Variants in CACNA1E observed in about 807,000 individuals in gnomAD.
CACNA1E encodes the protein calcium voltage-gated channel subunit alpha1 E.
In CACNA1E, 40 loss-of-function variants were observed where a neutral mutation model predicts 259.2. The observed-to-expected ratio is 0.15, with a 90% CI of 0.12 to 0.20. The LOEUF (loss-of-function observed/expected upper bound fraction) is 0.20, where lower values mean the gene tolerates loss of function less well. Ranked by LOEUF, CACNA1E falls within the 10% of genes least tolerant of loss-of-function variation. The probability of loss-of-function intolerance (pLI) is 1.00; values close to 1 mark genes in which losing one functional copy is unlikely to be tolerated. For missense variants in CACNA1E, 1,874 were observed against 3,040.1 expected (o/e 0.62, Z 9.02); for synonymous variants, 1,104 against 1,138.5 (o/e 0.97, Z 0.61).
intron 18 of CACNA1E, among the ~76,000 whole-genome samples, chr1:181,730,101 C>T (rs536596996): frequency 1.3e-5 from 2 of 152,372 alleles, no homozygotes; most frequent in South Asian, 4.1e-4. Flanking sequence ...CAGAGTGGGC[C>T]TCAGACCAAC....
At chr1:181,503,456 A>G (rs1265230814) in intron 1 of CACNA1E, among the ~76,000 whole-genome samples, 8 of 152,160 alleles carry the variant, frequency 5.3e-5, no homozygotes, top group Admixed American at 5.2e-4. Flanking sequence ...CGCTTTCCAT[A>G]TTCTCAGGAG....
intron 1 of CACNA1E, among the ~76,000 whole-genome samples, chr1:181,376,341 C>A (rs1014200315): frequency 1.3e-5 from 2 of 152,182 alleles, no homozygotes; most frequent in Non-Finnish European, 2.9e-5. Context: ...GCCTTTCTGG[C>A]GCAGAGGCAA....
intron 40 of CACNA1E, 51 bp downstream of exon 40, chr1:181,783,835 C>A: frequency 8.7e-7 from 1 of 1,148,270 alleles, no homozygotes; most frequent in Non-Finnish European, 1.3e-6. Context: ...TGGAACAACT[C>A]ATGCAGGTGG....
At chr1:181,494,995 C>T (rs550328488) in intron 1 of CACNA1E, among the ~76,000 whole-genome samples, 3 of 152,304 alleles carry the variant, frequency 2.0e-5, no homozygotes, top group Non-Finnish European at 2.9e-5. Flanking sequence ...ACGCGATATT[C>T]TTGTCACATG....
rs1326141331 is a variant in CACNA1E, at chr1:181,776,511, A to G, written c.5267+283A>G. ...CAGATTATTTGGGCTCAGTCCCAAG[A>G]GAACTTTCCAATAATCTTTTTCTGC... On this transcript the variant is annotated intron_variant, in intron 38 of 47. Coordinates refer to ENST00000367573, the MANE Select transcript of CACNA1E (RefSeq NM_001205293.3). The surrounding 1 kb of genome is among the most constrained non-coding windows in gnomAD (Gnocchi z 4.4). 2.6e-5 allele frequency among the ~76,000 whole-genome samples: 4 copies of G among 152,234 alleles called. No homozygotes were observed. The highest frequency in any genetic ancestry group is 5.9e-5 in the Non-Finnish European group (4 of 68,032).
At chr1:181,618,628 C>T (rs2103150931) in intron 6 of CACNA1E, among the ~76,000 whole-genome samples, 1 of 152,238 alleles carries the variant, frequency 6.6e-6, no homozygotes, top group Non-Finnish European at 1.5e-5. Context: ...GAAGTGTCCT[C>T]ATCCATATTT....
Position 181,757,964 on chromosome 1 carries a change from C to T in CACNA1E, c.4347C>T (p.Phe1449=), listed in dbSNP as rs368943151. The change falls in exon 31 of 48, where the codon TTC becomes TTT. Residue 1449 remains phenylalanine (F), a synonymous_variant. Coordinates refer to ENST00000367573, the MANE Select transcript of CACNA1E (RefSeq NM_001205293.3). ...TCTTGCAGAGGGCGTGCATCGACTT[C>T]GCCATCAGCGCCAAACCTCTCACCC... ...LEKNERACID[F]AISAKPLTRY... is the part of the protein sequence containing the mutation. 4.5e-5 allele frequency: 72 copies of T among 1,613,844 alleles called. No homozygotes were observed. Among genetic ancestry groups the T allele is most frequent in the African/African-American group, 2.3e-4 (17 of 74,950 alleles).
rs141741548 is a variant in CACNA1E at position 181,546,958 on chromosome 1, G to T, written c.513-30808G>T. Among the ~76,000 whole-genome samples the T allele has an allele frequency of 4.6e-5, 7 of 152,086 alleles. No homozygotes were observed. In the East Asian group the frequency reaches 1.2e-3, roughly 25 times the overall value. On this transcript the variant is annotated intron_variant, in intron 3 of 47. Transcript: ENST00000367573. ...GCGATCTGTTCTTCCCTTTGATGTCGTCCTCCTGGCCACCAGCCTACATCC... is the reference window on the plus strand; with the variant it reads ...GCGATCTGTTCTTCCCTTTGATGTCTTCCTCCTGGCCACCAGCCTACATCC...
Position 181,744,521 on chromosome 1 carries a change from G to A in CACNA1E, c.3719+5268G>A, listed in dbSNP as rs192668773. ...GTGGCTATTCAGCACCAAAATGCTC[G>A]TACACACTCACGCTCAGCACAGCAT... On this transcript the variant is annotated intron_variant, in intron 25 of 47. Coordinates refer to ENST00000367573, the MANE Select transcript of CACNA1E (RefSeq NM_001205293.3). 7.9e-5 allele frequency among the ~76,000 whole-genome samples: 12 copies of A among 152,272 alleles called. No homozygotes were observed. The East Asian group carries it at 9.7e-4, about 12-fold the overall frequency.
rs116483959 is a variant in CACNA1E, at chr1:181,601,849, A to G, written c.951+21073A>G. On this transcript the variant is annotated intron_variant, in intron 6 of 47. Coordinates refer to ENST00000367573, the MANE Select transcript of CACNA1E (RefSeq NM_001205293.3). ...AAAGCCAGAGCCCTTGCAAGGGTCTACAGGGCCCTCCATGATCTGCTCTTC... is the reference window on the plus strand; with the variant it reads ...AAAGCCAGAGCCCTTGCAAGGGTCTGCAGGGCCCTCCATGATCTGCTCTTC... Among the ~76,000 whole-genome samples the G allele has an allele frequency of 8.2e-3, 1,252 of 152,298 alleles. 21 individuals are homozygous for G. The highest frequency in any genetic ancestry group is 0.028 in the African/African-American group (1,169 of 41,566).
chr1:181,492,221 A>C (rs1051597492), intron 1 of CACNA1E, among the ~76,000 whole-genome samples: 2 of 152,240 alleles, frequency 1.3e-5, no homozygotes, highest in African/African-American at 2.4e-5. Flanking sequence ...GTATAATGAC[A>C]ATTGAGATTT....
intron 45 of CACNA1E, among the ~76,000 whole-genome samples, 179 bp downstream of exon 45, chr1:181,793,972 C>T (rs186636549): frequency 6.6e-6 from 1 of 152,300 alleles, no homozygotes; most frequent in African/African-American, 2.4e-5. Flanking sequence ...TTCAATGACC[C>T]CCCCTAACCA....
intron 44 of CACNA1E, 113 bp downstream of exon 44, chr1:181,790,669 C>A: frequency 1.4e-6 from 1 of 734,722 alleles, no homozygotes; most frequent in South Asian, 1.7e-5. Flanking sequence ...AGTAGTTTAG[C>A]CAGTTGCCCT....
intron 1 of CACNA1E, among the ~76,000 whole-genome samples, chr1:181,321,447 A>T (rs1650335361): frequency 6.6e-6 from 1 of 152,170 alleles, no homozygotes; most frequent in Non-Finnish European, 1.5e-5. Flanking sequence ...TTAGTTATTG[A>T]TGCCTGCTTC....
At chr1:181,725,291 C>G (rs1654796882) in intron 17 of CACNA1E, among the ~76,000 whole-genome samples, 1 of 152,170 alleles carries the variant, frequency 6.6e-6, no homozygotes, top group Admixed American at 6.5e-5. Context: ...GCTTTAGTAG[C>G]TGAGAAACTG....
In CACNA1E at chr1:181,699,301, C is replaced by G. The variant is rs562183254; in HGVS notation, c.1056-11653C>G. ...TTATTGTGTAGCTTATATTCTTGAGCAAAGACAAAAAACCAAATAGCTGAA... is the reference window on the plus strand; with the variant it reads ...TTATTGTGTAGCTTATATTCTTGAGGAAAGACAAAAAACCAAATAGCTGAA... On this transcript the variant is annotated intron_variant, in intron 7 of 47. Coordinates refer to ENST00000367573, the MANE Select transcript of CACNA1E (RefSeq NM_001205293.3). 3.3e-5 allele frequency among the ~76,000 whole-genome samples: 5 copies of G among 152,198 alleles called. No homozygotes were observed. In the South Asian group the frequency reaches 1.0e-3, roughly 32 times the overall value.
intron 2 of CACNA1E, among the ~76,000 whole-genome samples, chr1:181,419,779 C>T (rs1658588827): frequency 1.3e-5 from 2 of 152,200 alleles, no homozygotes; most frequent in Admixed American, 1.3e-4. Context: ...TTCCCTGTGT[C>T]CACTGTGTGG....
At chr1:181,705,715 C>A (rs1285259283) in intron 7 of CACNA1E, among the ~76,000 whole-genome samples, 1 of 152,214 alleles carries the variant, frequency 6.6e-6, no homozygotes, top group East Asian at 1.9e-4. Flanking sequence ...TGAAACACGA[C>A]TTGGATTTGT....
At chr1:181,751,849 G>A in intron 26 of CACNA1E, 1 of 533,258 alleles carries the variant, frequency 1.9e-6, no homozygotes, top group Non-Finnish European at 3.6e-6. Flanking sequence ...ATTAACATAT[G>A]TGCATGGATG....
Sources: gnomAD v4.1 joint callset for allele counts (sites outside exome capture counted in the v4.1 genomes callset) on GRCh38, gnomAD v4.1.1 for gene constraint, Gnocchi (gnomAD v3.1) non-coding constraint, MANE v1.5 for transcripts, NCBI Gene and HGNC (gene_info 2026-07-23, HGNC 2026-07-21) for gene names.